Variants in FEZ2 observed in about 807,000 individuals in gnomAD.
FEZ2 encodes fasciculation and elongation protein zeta-2.
A neutral mutation model predicts 40.4 loss-of-function variants in FEZ2; 51 were observed. The ratio of observed to expected loss-of-function variants is 1.26; its 90% CI spans 1.01 to 1.59. FEZ2 has a LOEUF of 1.59. Among genes scored for constraint, FEZ2 ranks in the 40% most tolerant of loss-of-function variants. FEZ2 has a pLI of 0.00. For synonymous variants in FEZ2, 242 were observed against 172.0 expected (o/e 1.41, Z -3.18); for missense variants, 640 against 438.3 (o/e 1.46, Z -4.11).
In FEZ2 at chr2:36,583,388, A is replaced by G. The variant is rs765884027; in HGVS notation, c.457T>C (p.Cys153Arg). 6.2e-7 allele frequency: 1 copy of G among 1,602,382 alleles called. No individual in the cohort carries two copies. Among genetic ancestry groups the G allele is most frequent in the Admixed American group, 1.7e-5 (1 of 59,988 alleles). Residue 153 changes from cysteine (C) to arginine (R), a missense_variant, in exon 3 of 8, where the codon TGT becomes CGT. By Grantham distance (180) the Cys-to-Arg change is radical. Coordinates refer to ENST00000405912, the MANE Select transcript of FEZ2 (RefSeq NM_005102.3). ...GTGAAGAGGGGTTCATCATTAACAC[A>G]GGAGACGATGATTGAGTGCATATCC... ...QLDMHSIIVS[C>R]VNDEPLFTAD...
At chr2:36,577,141 G>A (rs1668596546) in intron 5 of FEZ2, among the ~76,000 whole-genome samples, 1 of 152,052 alleles carries the variant, frequency 6.6e-6, no homozygotes, top group African/African-American at 2.4e-5. Flanking sequence ...TTGGTTTTGG[G>A]TTTTTTTCAG....
At chr2:36,561,933 A>AC (rs1668104086) in intron 5 of FEZ2, among the ~76,000 whole-genome samples, 1 of 152,120 alleles carries the variant, frequency 6.6e-6, no homozygotes, top group Admixed American at 6.5e-5. Flanking sequence ...TAGTCCAGGG[A>AC]CCCCCTCCCA....
rs773321015 is a variant in FEZ2, at chr2:36,575,502, AC to A, written c.903+3094del. On this transcript the variant is annotated intron_variant, in intron 5 of 7. Transcript: ENST00000405912. ...TCCTGCCCACTGTATCTTGAAGAAC[AC>A]CTGCCACAGGAAAGCACTCCACAAA... 3.4e-3 allele frequency among the ~76,000 whole-genome samples: 515 copies of A among 152,184 alleles called. 4 individuals are homozygous for A. The highest frequency in any genetic ancestry group is 5.2e-3 in the Non-Finnish European group (350 of 67,922).
At chr2:36,588,613 CT>C (rs1389231814) in intron 2 of FEZ2, among the ~76,000 whole-genome samples, 1 of 151,888 alleles carries the variant, frequency 6.6e-6, no homozygotes, top group Non-Finnish European at 1.5e-5. Context: ...CCCCTATAAG[CT>C]TTAAATTATA....
Position 36,598,014 on chromosome 2 carries a change from G to T in FEZ2, c.129C>A (p.Gly43=), listed in dbSNP as rs1001558415. Residue 43 remains glycine, a synonymous_variant, in exon 1 of 8, where the codon GGC becomes GGA. Transcript: ENST00000405912. ...GAEAGAEAGG[G]ADGFPAPACS... ...AGGCCGGGGCCGGGAAACCGTCGGC[G>T]CCCCCACCCGCCTCGGCCCCCGCCT... 1.3e-5 allele frequency: 20 copies of T among 1,494,342 alleles called. No individual in the cohort carries two copies. Among genetic ancestry groups the T allele is most frequent in the Admixed American group, 8.5e-5 (4 of 46,988 alleles). The allele number at this position is 1,494,342 out of a possible 1,614,324, so 92.6% of individuals were successfully genotyped here. A position where few individuals can be genotyped will look rare whatever the true frequency, so the allele number is the denominator to read the frequency against.
intron 5 of FEZ2, among the ~76,000 whole-genome samples, chr2:36,565,432 T>C (rs573004717): frequency 1.3e-5 from 2 of 152,320 alleles, no homozygotes; most frequent in African/African-American, 4.8e-5. Flanking sequence ...CACTGTGCAA[T>C]TTCCATAGCC....
chr2:36,593,469 G>A (rs1039144731), intron 1 of FEZ2, among the ~76,000 whole-genome samples: 1 of 152,098 alleles, frequency 6.6e-6, no homozygotes, highest in African/African-American at 2.4e-5. Context: ...GAATCTAGAA[G>A]GAGGTTCCCA....
rs188831523 is a variant in FEZ2, at chr2:36,586,493, G to C, written c.376-3024C>G. Among the ~76,000 whole-genome samples the C allele has an allele frequency of 1.9e-4, 29 of 152,182 alleles. 2 individuals are homozygous for C. In the East Asian group the frequency reaches 5.6e-3, roughly 29 times the overall value. ...CTACAAAAAATTAGCCAGGCATGAT[G>C]GCACATGCCTGTAGTCCCAGCTATT... On this transcript the variant is annotated intron_variant, in intron 2 of 7. Coordinates refer to ENST00000405912, the MANE Select transcript of FEZ2 (RefSeq NM_005102.3).
chr2:36,597,636 T>G (rs1669266077), intron 1 of FEZ2, among the ~76,000 whole-genome samples: 1 of 152,194 alleles, frequency 6.6e-6, no homozygotes, highest in Non-Finnish European at 1.5e-5. Context: ...GGGTTTGGTT[T>G]GCAGGAAGGA....
intron 5 of FEZ2, among the ~76,000 whole-genome samples, chr2:36,562,697 C>T (rs1021568533): frequency 2.6e-5 from 4 of 152,142 alleles, no homozygotes; most frequent in African/African-American, 7.2e-5. Context: ...CCAATGCTAT[C>T]ATAATTCATT....
chr2:36,582,487 GGTCA>G (rs1558454914), intron 3 of FEZ2, among the ~76,000 whole-genome samples: 3 of 152,274 alleles, frequency 2.0e-5, no homozygotes, highest in East Asian at 3.9e-4. Flanking sequence ...GTATTAGGCA[GGTCA>G]GTGAGGGGAC....
chr2:36,590,271 C>T (rs1386541196), intron 2 of FEZ2: 1 of 152,246 alleles, frequency 6.6e-6, no homozygotes, highest in Non-Finnish European at 1.5e-5. Context: ...CAGGTCACTA[C>T]ACTCATTAAA....
At chr2:36,568,087 G>T (rs951283466) in intron 5 of FEZ2, among the ~76,000 whole-genome samples, 14 of 152,238 alleles carry the variant, frequency 9.2e-5, no homozygotes, top group African/African-American at 3.4e-4. Context: ...GGTATTATTA[G>T]GTGCTTATGG....
At position 36,558,166 on chromosome 2, in the gene FEZ2, G is replaced by C. The variant is rs968677363; in HGVS notation, c.979+272C>G. The C allele has an allele frequency of 1.2e-5, 3 of 250,672 alleles. No homozygotes were observed. The East Asian group carries it at 2.2e-4, about 18-fold the overall frequency. 15.5% of individuals were successfully genotyped at this position (250,672 alleles called of 1,614,324 possible). On this transcript the variant is annotated intron_variant, in intron 6 of 7. Coordinates refer to ENST00000405912, the MANE Select transcript of FEZ2 (RefSeq NM_005102.3). ...TGTTCTTAAACATGTAAGAGATGAT[G>C]GAGATTTAGGTTATGCTTTTTCCCA...
At chr2:36,582,092 G>A (rs924971846) in intron 3 of FEZ2, among the ~76,000 whole-genome samples, 5 of 152,140 alleles carry the variant, frequency 3.3e-5, no homozygotes, top group Non-Finnish European at 7.4e-5. Context: ...ACTGTCTAGT[G>A]CAGTGCTGCT....
intron 5 of FEZ2, among the ~76,000 whole-genome samples, chr2:36,578,205 C>A (rs1375043748): frequency 6.6e-6 from 1 of 152,178 alleles, no homozygotes; most frequent in Non-Finnish European, 1.5e-5. Context: ...TTTCTTATCA[C>A]ACAACTCGTA....
chr2:36,560,455 TTTAG>T (rs1668064261), intron 5 of FEZ2, among the ~76,000 whole-genome samples: 2 of 152,192 alleles, frequency 1.3e-5, no homozygotes, highest in African/African-American at 4.8e-5. Context: ...CATATTTTAG[TTTAG>T]TTATTTTCAC....
At chr2:36,588,153 C>G (rs943288791) in intron 2 of FEZ2, among the ~76,000 whole-genome samples, 1 of 152,076 alleles carries the variant, frequency 6.6e-6, no homozygotes, top group African/African-American at 2.4e-5. Context: ...CTCAGCCTCC[C>G]AAGTATCTGG....
chr2:36,570,466 C>CA (rs1668376234), intron 5 of FEZ2, among the ~76,000 whole-genome samples: 1 of 151,998 alleles, frequency 6.6e-6, no homozygotes, highest in South Asian at 2.1e-4. Flanking sequence ...CAAATATTTT[C>CA]AAAACCACTA....
Sources: allele counts gnomAD v4.1 joint callset (sites outside exome capture counted in the v4.1 genomes callset), GRCh38; gene constraint gnomAD v4.1.1; transcripts MANE v1.5; gene names NCBI Gene and HGNC (gene_info 2026-07-23, HGNC 2026-07-21).